The following COL5A2 variants were observed in gnomAD, a reference collection of about 807,000 sequenced individuals.
COL5A2 encodes the protein collagen type V alpha 2 chain.
Under a neutral mutation model 208.2 loss-of-function variants are expected in COL5A2, and 23 were observed. The ratio of observed to expected loss-of-function variants is 0.11; its 90% CI spans 0.08 to 0.16. The LOEUF is 0.16. Ranked by LOEUF, COL5A2 falls within the 10% of genes least tolerant of loss-of-function variation. The pLI is 1.00. For synonymous variants in COL5A2, 625 were observed against 628.5 expected, an observed-to-expected ratio of 0.99 and a Z score of 0.08; for missense variants, 1,590 against 1,956.4, an observed-to-expected ratio of 0.81 and a Z score of 3.53.
chr2:189,052,415 A>T (rs1685810078), intron 40 of COL5A2, among the ~76,000 whole-genome samples, 190 bp from the exon 41 acceptor site: 1 of 152,132 alleles, frequency 6.6e-6, no homozygotes. Context: ...TAGGAAGGGC[A>T]CTATTTTCCT....
At chr2:189,159,497 C>CT (rs1200238398) in intron 1 of COL5A2, among the ~76,000 whole-genome samples, 2 of 152,156 alleles carry the variant, frequency 1.3e-5, no homozygotes, top group Non-Finnish European at 2.9e-5. Context: ...GATTGTCTCA[C>CT]TGAATGCTGA....
intron 52 of COL5A2, 64 bp downstream of exon 52, chr2:189,036,552 T>A: frequency 7.3e-7 from 1 of 1,374,234 alleles, no homozygotes; most frequent in Non-Finnish European, 1.0e-6. Flanking sequence ...CCTAAATAAA[T>A]CAAAAATATG....
chr2:189,399,010 C>CTGTT, the COL5A2 span, among the ~76,000 whole-genome samples: 23 of 152,186 alleles, frequency 1.5e-4, no homozygotes, highest in Middle Eastern at 3.4e-3. Context: ...ATACTTTGTG[C>CTGTT]TGTTTTGTTA....
intron 1 of COL5A2, among the ~76,000 whole-genome samples, chr2:189,170,213 G>A (rs2105816726): frequency 6.6e-6 from 1 of 152,198 alleles, no homozygotes; most frequent in East Asian, 1.9e-4. Context: ...CGAGAATATG[G>A]AAATACAATT....
chr2:189,301,849 C>T, the COL5A2 span, among the ~76,000 whole-genome samples: 5,373 of 152,050 alleles, frequency 0.035, 112 homozygotes, highest in Admixed American at 0.05. Flanking sequence ...AAAGAGTTTC[C>T]TGAGGAAAGA....
intron 1 of COL5A2, among the ~76,000 whole-genome samples, chr2:189,206,559 GA>G (rs1198045570): frequency 6.6e-6 from 1 of 152,142 alleles, no homozygotes; most frequent in African/African-American, 2.4e-5. Flanking sequence ...ACAAGCAAAG[GA>G]GTGGTCCCCT....
chr2:189,035,230 A>T, intron 52 of COL5A2, 75 bp from the exon 53 acceptor site: 1 of 1,560,128 alleles, frequency 6.4e-7, no homozygotes, highest in Non-Finnish European at 8.8e-7. Context: ...ATAGATAAAT[A>T]TATAAATTGA....
chr2:189,354,359 C>T, the COL5A2 span, among the ~76,000 whole-genome samples: 1 of 152,108 alleles, frequency 6.6e-6, no homozygotes, highest in Non-Finnish European at 1.5e-5. Flanking sequence ...TGAGTGGTAC[C>T]AGCTCCTCTT....
chr2:189,058,619 T>C, intron 32 of COL5A2, 92 bp from the exon 33 acceptor site: 1 of 1,196,708 alleles, frequency 8.4e-7, no homozygotes, highest in Non-Finnish European at 1.2e-6. Flanking sequence ...TGCGGAAAAA[T>C]TCAGAAATGA....
intron 48 of COL5A2, 138 bp downstream of exon 48, chr2:189,043,013 T>A (rs990671762): frequency 1.7e-5 from 14 of 803,350 alleles, no homozygotes; most frequent in Non-Finnish European, 2.7e-5. Context: ...TTATCACTTG[T>A]TATTCATCAA....
At chr2:189,121,060 A>G (rs1687490438) in intron 1 of COL5A2, among the ~76,000 whole-genome samples, 1 of 152,218 alleles carries the variant, frequency 6.6e-6, no homozygotes, top group Admixed American at 6.5e-5. Context: ...TTATTAGAAC[A>G]TAATTCTTTA....
chr2:189,052,381 G>T (rs1342208407), intron 40 of COL5A2, among the ~76,000 whole-genome samples, 156 bp from the exon 41 acceptor site: 1 of 151,778 alleles, frequency 6.6e-6, no homozygotes. Context: ...CCCATATTTT[G>T]GGGAATTAAT....
At chr2:189,052,472 C>T (rs867187318) in intron 40 of COL5A2, among the ~76,000 whole-genome samples, 4 of 152,262 alleles carry the variant, frequency 2.6e-5, no homozygotes, top group Middle Eastern at 6.8e-3. Flanking sequence ...TTTATACAAT[C>T]AAATTAAATA....
the COL5A2 span, among the ~76,000 whole-genome samples, chr2:189,412,035 G>C: frequency 6.6e-6 from 1 of 152,110 alleles, no homozygotes; most frequent in Non-Finnish European, 1.5e-5. Context: ...CCTTCTCAGA[G>C]TACTAACATC....
the COL5A2 span, among the ~76,000 whole-genome samples, chr2:189,291,020 T>C: frequency 9.2e-5 from 14 of 152,290 alleles, no homozygotes; most frequent in African/African-American, 3.4e-4. Flanking sequence ...TTTTCTATAC[T>C]GGTCTTCTTT....
At chr2:189,395,932 G>A in the COL5A2 span, among the ~76,000 whole-genome samples, 44 of 118,188 alleles carry the variant, frequency 3.7e-4, no homozygotes, top group East Asian at 5.5e-3. Flanking sequence ...AAAAAAAGAA[G>A]CTATTGACTA....
At chr2:189,170,613 G>GA (rs1316945678) in intron 1 of COL5A2, among the ~76,000 whole-genome samples, 1 of 152,132 alleles carries the variant, frequency 6.6e-6, no homozygotes, top group Non-Finnish European at 1.5e-5. Flanking sequence ...TCTGAAGTGA[G>GA]AAAGGATGCT....
intron 1 of COL5A2, among the ~76,000 whole-genome samples, chr2:189,178,725 A>AG (rs1360408007): frequency 6.6e-6 from 1 of 151,522 alleles, no homozygotes; most frequent in African/African-American, 2.4e-5. Flanking sequence ...AAAAAAAAAA[A>AG]AAAAGCTTGG....
chr2:189,080,449 A>G (rs1229883306), intron 13 of COL5A2, among the ~76,000 whole-genome samples: 1 of 152,192 alleles, frequency 6.6e-6, no homozygotes, highest in Non-Finnish European at 1.5e-5. Context: ...ACTACTCAAA[A>G]CAGAGGCCAG....
Sources: gnomAD v4.1 joint callset for allele counts (sites outside exome capture counted in the v4.1 genomes callset) on GRCh38, gnomAD v4.1.1 for gene constraint, MANE v1.5 for transcripts, NCBI Gene and HGNC (gene_info 2026-07-23, HGNC 2026-07-21) for gene names.